Variants in SEMA3A observed in about 807,000 individuals in gnomAD.
SEMA3A encodes semaphorin 3A, also known as semaphorin-3A.
Under a neutral mutation model 97.9 loss-of-function variants are expected in SEMA3A, and 29 were observed. That is an observed-to-expected ratio of 0.30 (90% CI 0.22 to 0.40). SEMA3A has a LOEUF of 0.40. Ranked by LOEUF, SEMA3A falls within the 10% of genes least tolerant of loss-of-function variation. The probability of loss-of-function intolerance (pLI) is 1.00; values close to 1 mark genes in which losing one functional copy is unlikely to be tolerated. For synonymous variants in SEMA3A, 321 were observed against 323.7 expected, an observed-to-expected ratio of 0.99 and a Z score of 0.09; for missense variants, 763 against 951.3, an observed-to-expected ratio of 0.80 and a Z score of 2.60.
intron 1 of SEMA3A, among the ~76,000 whole-genome samples, chr7:84,492,042 C>T (rs537945690): frequency 2.6e-5 from 4 of 152,094 alleles, no homozygotes; most frequent in East Asian, 3.9e-4. Flanking sequence ...AGTAACGTAG[C>T]AGTATAGTTA....
At chr7:84,146,541 T>A (rs1796468131) in intron 1 of SEMA3A, among the ~76,000 whole-genome samples, 1 of 152,174 alleles carries the variant, frequency 6.6e-6, no homozygotes. Context: ...TGCAAACAAT[T>A]TACAAAATAA....
rs577561509 is a variant in SEMA3A at position 84,332,928 on chromosome 7, TA to T, written c.-168-25637del. Among the ~76,000 whole-genome samples, 93 of 152,206 alleles carry T rather than the reference TA, an allele frequency of 6.1e-4. 1 individual carries two copies. The South Asian group carries it at 0.019, about 31-fold the overall frequency. ...CAGAGTTATGAATCATTTTATCATTTAGGATAAGAAAGAGAAATAATGCAAT... is the reference window on the plus strand; with the variant it reads ...CAGAGTTATGAATCATTTTATCATTTGGATAAGAAAGAGAAATAATGCAAT... On this transcript the variant is annotated intron_variant, in intron 2 of 3. Coordinates refer to the SEMA3A transcript ENST00000424555.
At chr7:83,979,921 A>G (rs1789323871) in intron 14 of SEMA3A, among the ~76,000 whole-genome samples, 2 of 152,218 alleles carry the variant, frequency 1.3e-5, no homozygotes, top group African/African-American at 4.8e-5. Context: ...GTTGTAGGAC[A>G]TACCTCATTA....
chr7:84,159,270 A>G (rs1350204278), intron 1 of SEMA3A, among the ~76,000 whole-genome samples: 2 of 152,184 alleles, frequency 1.3e-5, no homozygotes, highest in Admixed American at 1.3e-4. Context: ...TATTATTCAC[A>G]TTTTAGTGCT....
At chr7:84,286,595 A>T (rs1430028101) in intron 3 of SEMA3A, among the ~76,000 whole-genome samples, 2 of 152,162 alleles carry the variant, frequency 1.3e-5, no homozygotes, top group Admixed American at 6.5e-5. Flanking sequence ...TTAATACTTT[A>T]TCTGATTCAT....
intron 1 of SEMA3A, among the ~76,000 whole-genome samples, chr7:84,490,024 A>C (rs1325211597): frequency 6.6e-6 from 1 of 151,984 alleles, no homozygotes; most frequent in Non-Finnish European, 1.5e-5. Context: ...ACATGTATAG[A>C]TAAAGCCACA....
chr7:84,190,204 C>A (rs921114424), intron 1 of SEMA3A, among the ~76,000 whole-genome samples: 1 of 151,748 alleles, frequency 6.6e-6, no homozygotes, highest in East Asian at 1.9e-4. Context: ...AGCAGAGAAT[C>A]CACAAATTGG....
intron 1 of SEMA3A, among the ~76,000 whole-genome samples, chr7:84,472,214 G>A (rs1005720107): frequency 6.6e-6 from 1 of 152,078 alleles, no homozygotes; most frequent in Non-Finnish European, 1.5e-5. Context: ...CTGAGGAAAA[G>A]TTAGGTTAGA....
chr7:84,348,395 C>A (rs917441472), intron 2 of SEMA3A, among the ~76,000 whole-genome samples: 1 of 151,908 alleles, frequency 6.6e-6, no homozygotes, highest in African/African-American at 2.4e-5. Context: ...TTCTGTTTAC[C>A]TTTTTGGTTT....
chr7:84,402,717 T>C (rs930670297), intron 1 of SEMA3A, among the ~76,000 whole-genome samples: 19 of 152,216 alleles, frequency 1.2e-4, no homozygotes, highest in Admixed American at 4.6e-4. Context: ...ATATACATGA[T>C]GGAATATTAT....
At chr7:84,340,652 C>T (rs149934590) in intron 2 of SEMA3A, among the ~76,000 whole-genome samples, 10 of 151,600 alleles carry the variant, frequency 6.6e-5, no homozygotes, top group Admixed American at 1.3e-4. Context: ...TGGTGGTATA[C>T]GCCTGTAATC....
chr7:84,291,006 G>A (rs1800728379), intron 3 of SEMA3A, among the ~76,000 whole-genome samples: 1 of 152,064 alleles, frequency 6.6e-6, no homozygotes, highest in Admixed American at 6.6e-5. Flanking sequence ...ATAAACCTAT[G>A]TTGATGTTCC....
At chr7:84,297,508 G>A (rs977891293) in intron 3 of SEMA3A, among the ~76,000 whole-genome samples, 5 of 152,034 alleles carry the variant, frequency 3.3e-5, no homozygotes, top group Non-Finnish European at 7.4e-5. Context: ...AACTTTGAGG[G>A]TCTACTTTTC....
At chr7:84,015,124 T>C (rs1469664769) in intron 6 of SEMA3A, among the ~76,000 whole-genome samples, 2 of 152,204 alleles carry the variant, frequency 1.3e-5, no homozygotes, top group East Asian at 3.8e-4. Context: ...TCAATTGGAT[T>C]TATTGTCTGG....
intron 2 of SEMA3A, among the ~76,000 whole-genome samples, chr7:84,324,814 A>T (rs1012590112): frequency 2.0e-5 from 3 of 152,138 alleles, no homozygotes; most frequent in Non-Finnish European, 2.9e-5. Flanking sequence ...AGACCAGACT[A>T]CAGTATAATC....
chr7:84,203,832 C>T (rs1005941365), intron 3 of SEMA3A, among the ~76,000 whole-genome samples: 18 of 151,832 alleles, frequency 1.2e-4, no homozygotes, highest in Admixed American at 3.3e-4. Context: ...CACCTGGCCT[C>T]TTTGTAGATA....
intron 12 of SEMA3A, among the ~76,000 whole-genome samples, chr7:84,000,119 G>A (rs939038544): frequency 6.7e-6 from 1 of 149,584 alleles, no homozygotes; most frequent in African/African-American, 2.4e-5. Context: ...ATCCACCCCT[G>A]AGTGCCTGTA....
At chr7:84,010,161 G>C (rs543030484) in intron 9 of SEMA3A, among the ~76,000 whole-genome samples, 19 of 151,954 alleles carry the variant, frequency 1.3e-4, no homozygotes, top group African/African-American at 4.1e-4. Flanking sequence ...AAAAAAAGTA[G>C]ATTTTTTTAC....
At chr7:84,115,878 C>CATTGTCAATGCATGTCAATG (rs1305245191) in intron 3 of SEMA3A, among the ~76,000 whole-genome samples, 1 of 152,128 alleles carries the variant, frequency 6.6e-6, no homozygotes, top group Non-Finnish European at 1.5e-5. Flanking sequence ...CTTAATGCAA[C>CATTGTCAATGCATGTCAATG]CAAGTCATTG....
Sources: allele counts gnomAD v4.1 joint callset (sites outside exome capture counted in the v4.1 genomes callset), GRCh38; gene constraint gnomAD v4.1.1; transcripts MANE v1.5; gene names NCBI Gene and HGNC (gene_info 2026-07-23, HGNC 2026-07-21).